Variants in GATB observed in about 807,000 individuals in gnomAD.
The protein encoded by GATB is glutamyl-tRNA(Gln) amidotransferase subunit B, mitochondrial.
A neutral mutation model predicts 62.3 loss-of-function variants in GATB; 39 were observed. The observed-to-expected ratio is 0.63, with a 90% CI of 0.48 to 0.82. The LOEUF is 0.82. Among genes scored for constraint, GATB ranks in the 40% least tolerant of loss-of-function variants. The pLI is 0.00. For missense variants in GATB, 670 were observed against 684.0 expected (o/e 0.98, Z 0.23); for synonymous variants, 276 against 258.9 (o/e 1.07, Z -0.63).
At chr4:151,697,260 G>T (rs190711984) in intron 9 of GATB, among the ~76,000 whole-genome samples, 1 of 152,292 alleles carries the variant, frequency 6.6e-6, no homozygotes, top group East Asian at 1.9e-4. Context: ...ACTGGATAAA[G>T]AAGTTGTGGT....
chr4:151,692,371 C>A (rs565754502), intron 9 of GATB, among the ~76,000 whole-genome samples: 4 of 152,222 alleles, frequency 2.6e-5, no homozygotes, highest in Non-Finnish European at 5.9e-5. Context: ...GGGAGGCAGC[C>A]AGCTCATCTG....
intron 6 of GATB, among the ~76,000 whole-genome samples, chr4:151,707,099 T>TA (rs1738729357): frequency 6.6e-6 from 1 of 152,164 alleles, no homozygotes; most frequent in Admixed American, 6.5e-5. Flanking sequence ...AAAAAGAATA[T>TA]AAAAAGCAGG....
intron 11 of GATB, chr4:151,674,869 C>T (rs1737962503): frequency 6.6e-6 from 1 of 152,240 alleles, no homozygotes; most frequent in South Asian, 2.1e-4. Context: ...GCAGTTCCCT[C>T]CAGGAAAACC....
intron 2 of GATB, among the ~76,000 whole-genome samples, chr4:151,748,493 C>A (rs1260708520): frequency 6.6e-6 from 1 of 152,150 alleles, no homozygotes; most frequent in Non-Finnish European, 1.5e-5. Flanking sequence ...CTTCTTTACA[C>A]CTTATACAAA....
chr4:151,737,764 G>A (rs1032928540), intron 2 of GATB, among the ~76,000 whole-genome samples: 2 of 152,106 alleles, frequency 1.3e-5, no homozygotes, highest in African/African-American at 2.4e-5. Context: ...GACTAAAAGG[G>A]GCAAAGGTAC....
intron 2 of GATB, among the ~76,000 whole-genome samples, chr4:151,731,505 T>G (rs1739249881): frequency 1.3e-5 from 2 of 152,154 alleles, no homozygotes; most frequent in African/African-American, 4.8e-5. Flanking sequence ...CCTCCCAAAG[T>G]GCCGAGATTG....
At chr4:151,700,664 G>A (rs1176572561) in intron 9 of GATB, among the ~76,000 whole-genome samples, 1 of 152,132 alleles carries the variant, frequency 6.6e-6, no homozygotes, top group Non-Finnish European at 1.5e-5. Context: ...CGACGACAAC[G>A]GTGACAAAAT....
chr4:151,676,549 G>A (rs1049027611), intron 11 of GATB: 2 of 152,232 alleles, frequency 1.3e-5, no homozygotes, highest in Non-Finnish European at 2.9e-5. Flanking sequence ...AATCCTGGGA[G>A]GCTGTTTTCA....
At chr4:151,715,639 G>A (rs1169237730) in intron 5 of GATB, among the ~76,000 whole-genome samples, 1 of 152,184 alleles carries the variant, frequency 6.6e-6, no homozygotes, top group African/African-American at 2.4e-5. Context: ...CAAAGGAAAA[G>A]AGGCAACTAA....
At chr4:151,743,851 AGTGATAATCTGACTTT>A (rs1739544093) in intron 2 of GATB, among the ~76,000 whole-genome samples, 2 of 152,252 alleles carry the variant, frequency 1.3e-5, no homozygotes, top group African/African-American at 2.4e-5. Flanking sequence ...TATTTACAAA[AGTGATAATCTGACTTT>A]GTGAACTAAT....
At chr4:151,708,185 G>T (rs1738752454) in intron 5 of GATB, 84 bp from the exon 6 acceptor site, 1 of 867,144 alleles carries the variant, frequency 1.2e-6, no homozygotes, top group Non-Finnish European at 1.9e-6. Flanking sequence ...AAAGGAAGCA[G>T]CATCTAACTC....
intron 6 of GATB, among the ~76,000 whole-genome samples, chr4:151,706,524 T>C (rs574430542): frequency 2.6e-4 from 40 of 152,356 alleles, no homozygotes; most frequent in African/African-American, 8.7e-4. Flanking sequence ...TTCATGGCTT[T>C]GGGAACATGG....
At chr4:151,673,112 G>A in intron 11 of GATB, 1 of 534,356 alleles carries the variant, frequency 1.9e-6, no homozygotes, top group Non-Finnish European at 3.3e-6. Flanking sequence ...TGGGGAACAA[G>A]GCCAGCTAGG....
intron 9 of GATB, among the ~76,000 whole-genome samples, chr4:151,691,457 A>T (rs1738364731): frequency 6.6e-6 from 1 of 152,200 alleles, no homozygotes; most frequent in African/African-American, 2.4e-5. Context: ...ACTGAATTAC[A>T]CCCAGAACCA....
intron 2 of GATB, among the ~76,000 whole-genome samples, chr4:151,731,903 C>A (rs1305418461): frequency 6.6e-6 from 1 of 150,826 alleles, no homozygotes. Flanking sequence ...CCGCCCCATC[C>A]GGGAGGGAGG....
intron 9 of GATB, among the ~76,000 whole-genome samples, chr4:151,697,652 T>C (rs1294951869): frequency 6.7e-6 from 1 of 149,206 alleles, no homozygotes; most frequent in Non-Finnish European, 1.5e-5. Flanking sequence ...TTTCCGTATA[T>C]GTTTTATAAT....
intron 2 of GATB, among the ~76,000 whole-genome samples, chr4:151,751,297 T>C (rs1739716672): frequency 6.6e-6 from 1 of 152,222 alleles, no homozygotes; most frequent in African/African-American, 2.4e-5. Flanking sequence ...AACGTTATCT[T>C]GTATATAAAA....
In GATB at chr4:151,670,877, T is replaced by G; in HGVS notation, c.*297A>C. Reference sequence around the variant, plus strand: ...CAGTATCTCCAACATACATTTTATTTAGTTTAAAATTCCTTAATACAAGAA... The same window carrying G: ...CAGTATCTCCAACATACATTTTATTGAGTTTAAAATTCCTTAATACAAGAA... On this transcript the variant is annotated 3_prime_UTR_variant, in exon 13 of 13. Coordinates refer to ENST00000263985, the MANE Select transcript of GATB (RefSeq NM_004564.3). 1 of 298,910 alleles carries G rather than the reference T, an allele frequency of 3.3e-6. No individual in the cohort carries two copies. The highest frequency in any genetic ancestry group is 5.7e-5 in the East Asian group (1 of 17,568). The allele number at this position is 298,910 out of a possible 1,614,324, so 18.5% of individuals were successfully genotyped here. A position where few individuals can be genotyped will look rare whatever the true frequency, so the allele number is the denominator to read the frequency against.
At chr4:151,674,665 A>G (rs1013021317) in intron 11 of GATB, 2 of 152,204 alleles carry the variant, frequency 1.3e-5, no homozygotes, top group Admixed American at 1.3e-4. Context: ...GCACAGAAGT[A>G]CTTTCTTAAT....
Sources: allele counts gnomAD v4.1 joint callset (sites outside exome capture counted in the v4.1 genomes callset), GRCh38; gene constraint gnomAD v4.1.1; transcripts MANE v1.5; gene names NCBI Gene and HGNC (gene_info 2026-07-23, HGNC 2026-07-21).